The following GRID1 variants were observed in gnomAD, a reference collection of about 807,000 sequenced individuals.
GRID1 encodes the protein glutamate ionotropic receptor delta type subunit 1, also known as glutamate receptor ionotropic, delta-1.
Under a neutral mutation model 98.0 loss-of-function variants are expected in GRID1, and 28 were observed. That is an observed-to-expected ratio of 0.29 (90% CI 0.21 to 0.39). The LOEUF (loss-of-function observed/expected upper bound fraction) is 0.39. GRID1 is among the 10% of genes least tolerant of loss of function. GRID1 has a pLI of 1.00. For missense variants in GRID1, 1,111 were observed against 1,340.5 expected, an observed-to-expected ratio of 0.83 and a Z score of 2.67; for synonymous variants, 553 against 538.5, an observed-to-expected ratio of 1.03 and a Z score of -0.37.
intron 12 of GRID1, among the ~76,000 whole-genome samples, chr10:85,662,669 T>C (rs1168195803): frequency 6.6e-6 from 1 of 152,170 alleles, no homozygotes; most frequent in East Asian, 1.9e-4. Flanking sequence ...TTGTATGACA[T>C]TTTTCCTGAT....
At chr10:85,629,015 G>C (rs1842943233) in intron 13 of GRID1, among the ~76,000 whole-genome samples, 1 of 152,142 alleles carries the variant, frequency 6.6e-6, no homozygotes, top group African/African-American at 2.4e-5. Context: ...CAACCGAGAA[G>C]ATGGAGGTGT....
At chr10:85,860,223 C>A (rs1162003656) in intron 6 of GRID1, among the ~76,000 whole-genome samples, 1 of 152,174 alleles carries the variant, frequency 6.6e-6, no homozygotes, top group Non-Finnish European at 1.5e-5. Context: ...GTAAGGCAAG[C>A]AAGCAGATGC....
intron 4 of GRID1, among the ~76,000 whole-genome samples, chr10:85,961,000 C>T (rs148646135): frequency 6.6e-6 from 1 of 151,972 alleles, no homozygotes; most frequent in Non-Finnish European, 1.5e-5. Flanking sequence ...CGGAGGCTGG[C>T]AAGGAGCTCT....
intron 12 of GRID1, among the ~76,000 whole-genome samples, chr10:85,694,594 A>ATG (rs1841372426): frequency 9.5e-6 from 1 of 105,400 alleles, no homozygotes; most frequent in African/African-American, 3.2e-5. Flanking sequence ...ATATATATAT[A>ATG]TATATATAAT....
In GRID1 at chr10:85,879,594, C is replaced by T. The variant is rs574738349; in HGVS notation, c.781-10414G>A. On this transcript the variant is annotated intron_variant, in intron 5 of 15. Transcript: ENST00000327946. ...CCAACGAGAACAAAGACAAAACATA[C>T]GAGAATCTCTGGGACACATTCAAAG... Among the ~76,000 whole-genome samples the T allele has an allele frequency of 5.0e-3, 759 of 151,798 alleles. 5 individuals are homozygous for T. Among genetic ancestry groups the T allele is most frequent in the African/African-American group, 0.017 (710 of 41,208 alleles).
At chr10:86,139,512 C>G (rs958407421) in intron 3 of GRID1, among the ~76,000 whole-genome samples, 12 of 152,242 alleles carry the variant, frequency 7.9e-5, no homozygotes, top group African/African-American at 2.9e-4. Context: ...AGTCCCTGCA[C>G]CAATCCTGCC....
chr10:86,062,752 G>A (rs527495430), intron 4 of GRID1, among the ~76,000 whole-genome samples: 6 of 152,334 alleles, frequency 3.9e-5, no homozygotes, highest in South Asian at 2.1e-4. Flanking sequence ...CTTGAAAGGG[G>A]AGACTATGGC....
intron 12 of GRID1, among the ~76,000 whole-genome samples, chr10:85,708,185 A>T (rs1841544097): frequency 6.6e-6 from 1 of 151,414 alleles, no homozygotes; most frequent in Non-Finnish European, 1.5e-5. Context: ...TGGGCGGATC[A>T]CGAGGTCAGG....
At chr10:85,837,271 C>A (rs1030151057) in intron 8 of GRID1, among the ~76,000 whole-genome samples, 4 of 152,196 alleles carry the variant, frequency 2.6e-5, no homozygotes, top group African/African-American at 7.2e-5. Context: ...CCAGCCAGCA[C>A]CTTGTCCCAA....
intron 4 of GRID1, among the ~76,000 whole-genome samples, chr10:86,030,088 A>C (rs1054137935): frequency 1.3e-5 from 2 of 152,252 alleles, no homozygotes; most frequent in African/African-American, 4.8e-5. Context: ...AATAGTTACC[A>C]ACAAAAAGGA....
intron 2 of GRID1, among the ~76,000 whole-genome samples, chr10:86,319,053 A>G (rs1847934968): frequency 6.6e-6 from 1 of 151,816 alleles, no homozygotes; most frequent in Admixed American, 6.6e-5. Flanking sequence ...AAGGGCGTTC[A>G]GGGTGGGGGG....
Position 85,815,066 on chromosome 10 carries a change from C to T in GRID1, c.1233+39430G>A, listed in dbSNP as rs532057604. On this transcript the variant is annotated intron_variant, in intron 8 of 15. Transcript: ENST00000327946. ...TAATACATCATGACCAAGTGATGTTCATGCCCAAAATGCAAAACTGCTTTC... is the reference window on the plus strand; with the variant it reads ...TAATACATCATGACCAAGTGATGTTTATGCCCAAAATGCAAAACTGCTTTC... Among the ~76,000 whole-genome samples, 5 of 152,150 alleles carry T rather than the reference C, an allele frequency of 3.3e-5. No individual in the cohort carries two copies. The South Asian group carries it at 1.0e-3, about 32-fold the overall frequency.
At chr10:86,216,380 A>G (rs1317959966) in intron 2 of GRID1, among the ~76,000 whole-genome samples, 1 of 152,244 alleles carries the variant, frequency 6.6e-6, no homozygotes, top group Non-Finnish European at 1.5e-5. Flanking sequence ...TTGAAATATC[A>G]GTGTTTCAAG....
intron 12 of GRID1, among the ~76,000 whole-genome samples, chr10:85,700,941 A>G (rs1841443405): frequency 6.6e-6 from 1 of 152,186 alleles, no homozygotes; most frequent in South Asian, 2.1e-4. Flanking sequence ...GAATGGTTTT[A>G]TATTAGGTTG....
chr10:85,992,826 C>T (rs1047448618), intron 4 of GRID1, among the ~76,000 whole-genome samples: 5 of 151,770 alleles, frequency 3.3e-5, no homozygotes, highest in African/African-American at 4.8e-5. Flanking sequence ...TGGTGGCGTG[C>T]ACCTGTAGTC....
chr10:85,669,958 C>T (rs1336836921), intron 12 of GRID1, among the ~76,000 whole-genome samples: 1 of 152,202 alleles, frequency 6.6e-6, no homozygotes, highest in Non-Finnish European at 1.5e-5. Flanking sequence ...GTGAGGAACA[C>T]TGACACACCT....
At chr10:86,204,923 T>A (rs952888715) in intron 3 of GRID1, among the ~76,000 whole-genome samples, 1 of 131,526 alleles carries the variant, frequency 7.6e-6, no homozygotes, top group African/African-American at 2.9e-5. Context: ...CCCTAAGAGA[T>A]CCCTGCAGGC....
intron 4 of GRID1, among the ~76,000 whole-genome samples, chr10:86,124,385 C>G (rs1351609752): frequency 6.6e-6 from 1 of 152,194 alleles, no homozygotes; most frequent in Non-Finnish European, 1.5e-5. Flanking sequence ...CTCCAATGTG[C>G]TGAGCTCATT....
rs915276911 is a variant in GRID1 at position 86,192,695 on chromosome 10, AT to A, written c.520+13668del. On this transcript the variant is annotated intron_variant, in intron 3 of 15. Coordinates refer to ENST00000327946, the MANE Select transcript of GRID1 (RefSeq NM_017551.3). The surrounding 1 kb of genome is among the most constrained non-coding windows in gnomAD (Gnocchi z 4.8). ...ATGGTAAATTTTGTGTTGTATATAT[AT>A]TTTTCCACAATAAAACAAAAAACTA... Among the ~76,000 whole-genome samples the A allele has an allele frequency of 6.6e-6, 1 of 152,104 alleles. No homozygotes were observed. Among genetic ancestry groups the A allele is most frequent in the African/African-American group, 2.4e-5 (1 of 41,504 alleles).
Sources: allele counts gnomAD v4.1 joint callset (sites outside exome capture counted in the v4.1 genomes callset), GRCh38; gene constraint gnomAD v4.1.1; non-coding constraint Gnocchi (gnomAD v3.1); transcripts MANE v1.5; gene names NCBI Gene and HGNC (gene_info 2026-07-23, HGNC 2026-07-21).